SPAG17: variants seen among roughly 807,000 people sequenced by gnomAD.
The protein encoded by SPAG17 is sperm-associated antigen 17.
Under a neutral mutation model 273.6 loss-of-function variants are expected in SPAG17, and 169 were observed. The ratio of observed to expected loss-of-function variants is 0.62; its 90% CI spans 0.55 to 0.70. The LOEUF (loss-of-function observed/expected upper bound fraction) is 0.70. SPAG17 is among the 30% of genes least tolerant of loss of function. The pLI, the probability that SPAG17 is intolerant of heterozygous loss-of-function variation, is 0.00. For missense variants in SPAG17, 2,557 were observed against 2,627.8 expected, an observed-to-expected ratio of 0.97 and a Z score of 0.59; for synonymous variants, 825 against 873.2, an observed-to-expected ratio of 0.94 and a Z score of 0.97.
intron 28 of SPAG17, among the ~76,000 whole-genome samples, chr1:118,017,503 G>T (rs1289721235): frequency 6.6e-6 from 1 of 152,110 alleles, no homozygotes; most frequent in Non-Finnish European, 1.5e-5. Context: ...CAATTGAGGG[G>T]ACTTTAGCAG....
chr1:118,032,794 A>G (rs1341050341), intron 24 of SPAG17, among the ~76,000 whole-genome samples: 4 of 151,892 alleles, frequency 2.6e-5, no homozygotes, highest in Non-Finnish European at 5.9e-5. Flanking sequence ...GGGTTTCACC[A>G]TGTTGACCAA....
chr1:118,179,281 G>A (rs1268743494), intron 1 of SPAG17, among the ~76,000 whole-genome samples: 1 of 151,872 alleles, frequency 6.6e-6, no homozygotes, highest in Non-Finnish European at 1.5e-5. Context: ...ATAAATACAC[G>A]AATTTGTAGT....
intron 45 of SPAG17, among the ~76,000 whole-genome samples, chr1:117,971,286 A>G (rs576137583): frequency 6.6e-6 from 1 of 152,356 alleles, no homozygotes; most frequent in South Asian, 2.1e-4. Flanking sequence ...GAAATTTCAC[A>G]CAAAACAAAG....
At chr1:118,001,784 C>G (rs1231154172) in intron 32 of SPAG17, among the ~76,000 whole-genome samples, 1 of 152,176 alleles carries the variant, frequency 6.6e-6, no homozygotes, top group Non-Finnish European at 1.5e-5. Context: ...CCTGGCAATT[C>G]ATTGATTTTT....
intron 24 of SPAG17, among the ~76,000 whole-genome samples, chr1:118,034,762 C>A (rs910481261): frequency 6.6e-6 from 1 of 152,042 alleles, no homozygotes; most frequent in Admixed American, 6.5e-5. Flanking sequence ...AGATGGGGTT[C>A]GTTGTCATCC....
intron 3 of SPAG17, among the ~76,000 whole-genome samples, chr1:118,118,186 A>T (rs1031656317): frequency 1.3e-5 from 2 of 152,256 alleles, no homozygotes; most frequent in African/African-American, 2.4e-5. Context: ...ACCTTTTCAC[A>T]TAACATCTCC....
At chr1:118,094,289 T>C (rs1655573642) in intron 7 of SPAG17, among the ~76,000 whole-genome samples, 1 of 152,226 alleles carries the variant, frequency 6.6e-6, no homozygotes, top group South Asian at 2.1e-4. Context: ...TGCCCAATGA[T>C]CCCTTAGCTT....
intron 20 of SPAG17, among the ~76,000 whole-genome samples, chr1:118,044,285 G>A (rs1417923252): frequency 1.3e-5 from 2 of 152,126 alleles, no homozygotes; most frequent in Non-Finnish European, 2.9e-5. Flanking sequence ...AGGAGTTCGA[G>A]ACCAGCCTGG....
chr1:118,168,134 T>C (rs188718532), intron 1 of SPAG17, among the ~76,000 whole-genome samples: 2 of 152,272 alleles, frequency 1.3e-5, no homozygotes, highest in Admixed American at 6.5e-5. Flanking sequence ...TTTATAGCAA[T>C]ACAAGAATGG....
chr1:118,074,457 C>T (rs888594278), intron 16 of SPAG17, 82 bp downstream of exon 16: 9 of 1,181,230 alleles, frequency 7.6e-6, no homozygotes, highest in Admixed American at 5.4e-5. Flanking sequence ...CTTCTTTTTT[C>T]TTTTTCAGTG....
chr1:118,128,675 G>C (rs961545713), intron 3 of SPAG17, among the ~76,000 whole-genome samples: 2 of 152,116 alleles, frequency 1.3e-5, no homozygotes, highest in African/African-American at 4.8e-5. Context: ...ATCTGAATAT[G>C]GCTGGTCCCT....
intron 18 of SPAG17, 104 bp from the exon 19 acceptor site, chr1:118,056,018 A>G (rs765538024): frequency 2.6e-5 from 22 of 855,864 alleles, no homozygotes; most frequent in Non-Finnish European, 3.7e-5. Flanking sequence ...CAAAAATATA[A>G]TGAGTTTGAA....
chr1:118,005,326 G>A, intron 32 of SPAG17, 88 bp downstream of exon 32: 3 of 1,163,848 alleles, frequency 2.6e-6, no homozygotes, highest in South Asian at 2.1e-5. Context: ...AGGCAACTAA[G>A]GTAAAAATCT....
chr1:118,182,008 A>C (rs551760741), intron 1 of SPAG17, among the ~76,000 whole-genome samples: 1 of 152,310 alleles, frequency 6.6e-6, no homozygotes, highest in South Asian at 2.1e-4. Context: ...ACACATACCC[A>C]AATGATTTTA....
chr1:118,150,617 TTA>T lies in SPAG17; in HGVS notation c.239_240del (p.Ile80LysfsTer10), dbSNP rs775109763. 1.3e-6 allele frequency: 2 copies of T among 1,535,170 alleles called. No individual in the cohort carries two copies. The highest frequency in any genetic ancestry group is 2.7e-5 in the African/African-American group (2 of 73,306). On this transcript the variant is annotated frameshift_variant, in exon 3 of 49. Coordinates refer to ENST00000336338, the MANE Select transcript of SPAG17 (RefSeq NM_206996.4). LOFTEE classifies it high-confidence loss of function. ...WQDILQQINE[I>X]NTLVGSASSK... is the part of the protein sequence containing the mutation. ...GATGAAGCAGATCCAACAAGTGTAT[TTA>T]TTTCATTAATCTGTAAGAAAATTAA...
At chr1:118,002,931 T>C (rs1344865537) in intron 32 of SPAG17, among the ~76,000 whole-genome samples, 2 of 152,354 alleles carry the variant, frequency 1.3e-5, no homozygotes, top group African/African-American at 2.4e-5. Flanking sequence ...AGATGGTCTT[T>C]ACAATTTGGC....
intron 3 of SPAG17, among the ~76,000 whole-genome samples, chr1:118,140,061 A>G (rs1188196408): frequency 6.6e-6 from 1 of 152,180 alleles, no homozygotes; most frequent in Non-Finnish European, 1.5e-5. Flanking sequence ...GTGCTACCTC[A>G]GGACTCCGCA....
At chr1:118,100,309 GT>G (rs1484616309) in intron 5 of SPAG17, among the ~76,000 whole-genome samples, 3 of 152,172 alleles carry the variant, frequency 2.0e-5, no homozygotes, top group African/African-American at 2.4e-5. Flanking sequence ...GGATTATGTA[GT>G]AACTATGTAT....
intron 13 of SPAG17, among the ~76,000 whole-genome samples, chr1:118,082,242 A>C (rs910208301): frequency 3.9e-5 from 6 of 152,178 alleles, no homozygotes; most frequent in African/African-American, 1.4e-4. Flanking sequence ...TTTTCTACGT[A>C]TTAGGCTTTG....
Sources: gnomAD v4.1 joint callset for allele counts (sites outside exome capture counted in the v4.1 genomes callset) on GRCh38, gnomAD v4.1.1 for gene constraint, MANE v1.5 for transcripts, NCBI Gene and HGNC (gene_info 2026-07-23, HGNC 2026-07-21) for gene names.